KCTD15: variants seen among roughly 807,000 people sequenced by gnomAD.
The protein encoded by KCTD15 is BTB/POZ domain-containing protein KCTD15.
KCTD15 carries 11 observed loss-of-function variants against 27.2 expected under a neutral mutation model. The observed-to-expected ratio is 0.41, with a 90% CI of 0.25 to 0.67. KCTD15 has a LOEUF of 0.67. KCTD15 is among the 30% of genes least tolerant of loss of function. The probability of loss-of-function intolerance (pLI) is 0.35; values close to 1 mark genes in which losing one functional copy is unlikely to be tolerated. For missense variants in KCTD15, 350 were observed against 409.3 expected (o/e 0.86, Z 1.25); for synonymous variants, 163 against 176.0 (o/e 0.93, Z 0.58).
intron 5 of KCTD15, among the ~76,000 whole-genome samples, chr19:33,807,386 A>G (rs1399702873): frequency 1.3e-5 from 2 of 151,770 alleles, no homozygotes; most frequent in Non-Finnish European, 2.9e-5. Context: ...TCAGGAGTTC[A>G]AGACCAACTT....
At chr19:33,800,806 T>C (rs1056534992) in intron 3 of KCTD15, among the ~76,000 whole-genome samples, 2 of 152,200 alleles carry the variant, frequency 1.3e-5, no homozygotes, top group Non-Finnish European at 1.5e-5. Context: ...CACAAATTGG[T>C]GATTCGTTTG....
chr19:33,807,452 G>A (rs1211313751), intron 5 of KCTD15, among the ~76,000 whole-genome samples: 9 of 151,710 alleles, frequency 5.9e-5, no homozygotes, highest in African/African-American at 1.9e-4. Context: ...GGCCTGGAGC[G>A]GTGGCTCACG....
chr19:33,797,281 T>TGTGTGTGTGC (rs1975361392), intron 1 of KCTD15: 1 of 168,396 alleles, frequency 5.9e-6, no homozygotes, highest in African/African-American at 5.4e-5. Context: ...TGTGTGTGTG[T>TGTGTGTGTGC]GTGCGCGCGC....
intron 5 of KCTD15, among the ~76,000 whole-genome samples, chr19:33,808,586 AC>A (rs1421179922): frequency 6.6e-6 from 1 of 151,878 alleles, no homozygotes; most frequent in Non-Finnish European, 1.5e-5. Context: ...TGATGTCAGG[AC>A]CTTGGTGGGT....
At chr19:33,809,477 G>A (rs1374130420) in intron 5 of KCTD15, among the ~76,000 whole-genome samples, 1 of 152,112 alleles carries the variant, frequency 6.6e-6, no homozygotes. Context: ...GTGGGAGTGG[G>A]GTTTCTGCCC....
chr19:33,799,538 C>T (rs1370304536), intron 2 of KCTD15: 1 of 152,270 alleles, frequency 6.6e-6, no homozygotes. Context: ...CTGCATAGGG[C>T]CTGCAAAGCG....
At chr19:33,808,569 T>A (rs888911569) in intron 5 of KCTD15, among the ~76,000 whole-genome samples, 1 of 152,126 alleles carries the variant, frequency 6.6e-6, no homozygotes, top group Admixed American at 6.5e-5. Context: ...GAAAGGAGGC[T>A]GCTGTTTGAT....
At chr19:33,799,086 C>G (rs770226386) in intron 2 of KCTD15, among the ~76,000 whole-genome samples, 8 of 152,074 alleles carry the variant, frequency 5.3e-5, no homozygotes, top group Non-Finnish European at 1.0e-4. Flanking sequence ...TTTTTTTAAG[C>G]TTGTAGAACT....
intron 5 of KCTD15, among the ~76,000 whole-genome samples, chr19:33,808,471 G>C (rs1975780416): frequency 6.6e-6 from 1 of 152,116 alleles, no homozygotes; most frequent in South Asian, 2.1e-4. Flanking sequence ...TGGTGCAGGG[G>C]ATGGGGGTGG....
In KCTD15 at chr19:33,806,942, G is replaced by A; in HGVS notation, c.322G>A (p.Glu108Lys). The change falls in exon 5 of 7, where the codon GAG becomes AAG. Residue 108 changes from glutamate (E) to lysine (K), a missense_variant. Transcript: ENST00000683859. Reference protein sequence around the residue: ...KQHYFIDRDGEIFRYVLSFLR... With the variant: ...KQHYFIDRDGKIFRYVLSFLR... ...ACATTATTTCATTGACCGGGATGGGGAGATTTTCCGCTACGTCCTGAGCTT... is the reference window on the plus strand; with the variant it reads ...ACATTATTTCATTGACCGGGATGGGAAGATTTTCCGCTACGTCCTGAGCTT... The A allele has an allele frequency of 6.2e-7, 1 of 1,614,186 alleles. No individual in the cohort carries two copies. Among genetic ancestry groups the A allele is most frequent in the Non-Finnish European group, 8.5e-7 (1 of 1,180,036 alleles).
At chr19:33,800,023 A>G (rs935615292) in intron 2 of KCTD15, among the ~76,000 whole-genome samples, 1 of 152,210 alleles carries the variant, frequency 6.6e-6, no homozygotes, top group Non-Finnish European at 1.5e-5. Context: ...GCCTTGGTCC[A>G]CAAGGCTGTT....
At chr19:33,812,075 A>C in intron 6 of KCTD15, 1 of 1,357,394 alleles carries the variant, frequency 7.4e-7, no homozygotes, top group Non-Finnish European at 9.4e-7. Flanking sequence ...TCGCAGACCC[A>C]AGAGCTTGGC....
upstream of KCTD15, chr19:33,796,196 A>C (rs1190744701): frequency 6.6e-6 from 1 of 151,350 alleles, no homozygotes; most frequent in Non-Finnish European, 1.5e-5. Context: ...ATGAAATGAC[A>C]ATGATTAAAA....
At chr19:33,797,984 G>C (rs1975399511) in intron 1 of KCTD15, among the ~76,000 whole-genome samples, 2 of 152,010 alleles carry the variant, frequency 1.3e-5, no homozygotes, top group African/African-American at 4.8e-5. Flanking sequence ...CCCGCGCTTC[G>C]GGTGCCGCGG....
At chr19:33,807,676 C>A (rs1975756602) in intron 5 of KCTD15, among the ~76,000 whole-genome samples, 1 of 152,058 alleles carries the variant, frequency 6.6e-6, no homozygotes, top group Admixed American at 6.6e-5. Flanking sequence ...GCCGAGATTG[C>A]GCCACTGCAC....
At chr19:33,802,790 T>C (rs1036050557) in intron 4 of KCTD15, among the ~76,000 whole-genome samples, 1 of 152,230 alleles carries the variant, frequency 6.6e-6, no homozygotes, top group Non-Finnish European at 1.5e-5. Context: ...TTGACGACGT[T>C]TGTGAGTGAA....
At chr19:33,795,976 CG>C (rs970520496), upstream of KCTD15, 2 of 152,010 alleles carry the variant, frequency 1.3e-5, no homozygotes, top group African/African-American at 4.8e-5. Flanking sequence ...GGGGGAGGGG[CG>C]GCCTGGCCCC....
chr19:33,795,875 C>A (rs868031924), upstream of KCTD15: 1 of 152,028 alleles, frequency 6.6e-6, no homozygotes, highest in Admixed American at 6.5e-5. Flanking sequence ...TGCCCCAGCG[C>A]GTCCCTCCCC....
intron 2 of KCTD15, among the ~76,000 whole-genome samples, chr19:33,800,115 A>G (rs1975477679): frequency 6.6e-6 from 1 of 152,222 alleles, no homozygotes. Flanking sequence ...TTTTGGGGCA[A>G]TAATGGTGAG....
Sources: gnomAD v4.1 joint callset for allele counts (sites outside exome capture counted in the v4.1 genomes callset) on GRCh38, gnomAD v4.1.1 for gene constraint, MANE v1.5 for transcripts, NCBI Gene and HGNC (gene_info 2026-07-23, HGNC 2026-07-21) for gene names.